The following GRHL2 variants were observed in gnomAD, a reference collection of about 807,000 sequenced individuals.
GRHL2 encodes grainyhead like transcription factor 2, also known as grainyhead-like protein 2 homolog.
GRHL2 carries 21 observed loss-of-function variants against 83.8 expected under a neutral mutation model. The observed-to-expected ratio is 0.25, with a 90% CI of 0.18 to 0.36. The LOEUF (loss-of-function observed/expected upper bound fraction) is 0.36. Ranked by LOEUF, GRHL2 falls within the 10% of genes least tolerant of loss-of-function variation. The pLI is 1.00. For missense variants in GRHL2, 623 were observed against 781.8 expected (o/e 0.80, Z 2.42); for synonymous variants, 280 against 278.9 (o/e 1.00, Z -0.04).
At chr8:101,541,400 T>C (rs1811151741) in intron 1 of GRHL2, among the ~76,000 whole-genome samples, 1 of 152,026 alleles carries the variant, frequency 6.6e-6, no homozygotes. Flanking sequence ...ATCTCCATAC[T>C]GTTTTCCATA....
At chr8:101,659,276 T>C (rs75786126) in intron 14 of GRHL2, among the ~76,000 whole-genome samples, 3,380 of 152,314 alleles carry the variant, frequency 0.022, 130 homozygotes, top group African/African-American at 0.076. Flanking sequence ...GACACAGGTA[T>C]TGCTAATGTT....
intron 1 of GRHL2, among the ~76,000 whole-genome samples, chr8:101,505,374 T>C (rs1177362066): frequency 6.6e-6 from 1 of 151,994 alleles, no homozygotes; most frequent in Non-Finnish European, 1.5e-5. Flanking sequence ...GGTCGGGAGT[T>C]TGAGACCAGC....
rs143038022 is a variant in GRHL2, at chr8:101,630,741, C to T, written c.1258-896C>T. Among the ~76,000 whole-genome samples the T allele has an allele frequency of 4.2e-3, 640 of 152,198 alleles. 5 individuals are homozygous for T. The highest frequency in any genetic ancestry group is 0.014 in the African/African-American group (596 of 41,530). ...GCCTAGTGCCTTGTGAAAACAAAGA[C>T]ACAGGTTAATTCTTCCACAGCAAGA... On this transcript the variant is annotated intron_variant, in intron 9 of 15. Coordinates refer to ENST00000646743, the MANE Select transcript of GRHL2 (RefSeq NM_024915.4).
chr8:101,558,396 T>C (rs1422274766), intron 3 of GRHL2, 23 bp from the exon 4 acceptor site: 4 of 1,613,826 alleles, frequency 2.5e-6, no homozygotes, highest in Non-Finnish European at 3.4e-6. Context: ...TTCTATCATG[T>C]TGCGGGGGGT....
intron 1 of GRHL2, among the ~76,000 whole-genome samples, chr8:101,540,283 G>A (rs187160029): frequency 4.6e-5 from 7 of 152,274 alleles, no homozygotes; most frequent in Non-Finnish European, 1.0e-4. Flanking sequence ...ATTTAAGAAA[G>A]TGAACGTTAG....
At chr8:101,662,344 T>C (rs892583179) in intron 14 of GRHL2, among the ~76,000 whole-genome samples, 1 of 152,222 alleles carries the variant, frequency 6.6e-6, no homozygotes, top group Non-Finnish European at 1.5e-5. Context: ...CCAGTCTCCT[T>C]CTGCTCGCCC....
Position 101,644,152 on chromosome 8 carries a change from G to A in GRHL2, c.1539G>A (p.Arg513=). Reference sequence around the variant, plus strand: ...CTAGTGGCAGTGTCCTTGTTAAACGGATGTTCCGGCCCATGGAAGAGGAGT... The same window carrying A: ...CTAGTGGCAGTGTCCTTGTTAAACGAATGTTCCGGCCCATGGAAGAGGAGT... ...EREGGSVLVK[R]MFRPMEEEFG... The change falls in exon 13 of 16, where the codon CGG becomes CGA. Residue 513 remains arginine (R), a synonymous_variant. Transcript: ENST00000646743. The A allele has an allele frequency of 6.2e-7, 1 of 1,614,214 alleles. No individual in the cohort carries two copies. Among genetic ancestry groups the A allele is most frequent in the Non-Finnish European group, 8.5e-7 (1 of 1,180,016 alleles).
At chr8:101,558,953 G>A (rs1233934067) in intron 4 of GRHL2, 141 bp downstream of exon 4, 5 of 892,912 alleles carry the variant, frequency 5.6e-6, no homozygotes, top group East Asian at 2.6e-5. Flanking sequence ...TGTGTTTGTT[G>A]GTAGTCTGGC....
intron 11 of GRHL2, 117 bp downstream of exon 11, chr8:101,632,482 A>AG: frequency 8.1e-7 from 1 of 1,228,930 alleles, no homozygotes; most frequent in Non-Finnish European, 1.2e-6. Context: ...CATTCACTAG[A>AG]GAAAAAGTCA....
intron 6 of GRHL2, among the ~76,000 whole-genome samples, chr8:101,574,689 C>G (rs1811898506): frequency 6.6e-6 from 1 of 152,224 alleles, no homozygotes. Flanking sequence ...CAAGGCTGAG[C>G]TCACTGCAGT....
chr8:101,544,322 A>T (rs1303984789), intron 2 of GRHL2, among the ~76,000 whole-genome samples: 1 of 152,144 alleles, frequency 6.6e-6, no homozygotes, highest in Non-Finnish European at 1.5e-5. Context: ...TTTTGTTACA[A>T]CCCTAACTTT....
intron 1 of GRHL2, among the ~76,000 whole-genome samples, chr8:101,499,946 C>T (rs1209287830): frequency 6.6e-6 from 1 of 151,902 alleles, no homozygotes; most frequent in Non-Finnish European, 1.5e-5. Flanking sequence ...CATGGTGGCA[C>T]GTGCCTGTAC....
At chr8:101,573,899 T>C in intron 6 of GRHL2, 75 bp downstream of exon 6, 1 of 1,519,742 alleles carries the variant, frequency 6.6e-7, no homozygotes, top group East Asian at 2.3e-5. Context: ...CCTTGTGGAA[T>C]GGCATGGAAA....
intron 2 of GRHL2, among the ~76,000 whole-genome samples, chr8:101,550,534 T>A (rs945302010): frequency 2.0e-5 from 3 of 152,222 alleles, no homozygotes; most frequent in African/African-American, 7.2e-5. Flanking sequence ...TTTCATTCTA[T>A]TTTTACGTCT....
intron 1 of GRHL2, among the ~76,000 whole-genome samples, chr8:101,502,794 A>G (rs1810257178): frequency 6.8e-6 from 1 of 147,766 alleles, no homozygotes; most frequent in Non-Finnish European, 1.5e-5. Context: ...CCTTTTCCTC[A>G]TCCTCTTTCT....
At chr8:101,562,023 A>C (rs188977667) in intron 4 of GRHL2, 2 of 799,554 alleles carry the variant, frequency 2.5e-6, no homozygotes, top group Non-Finnish European at 4.3e-6. Flanking sequence ...CCATGTCCAC[A>C]TCCTCTTGTA....
chr8:101,539,686 C>T (rs1563570539), intron 1 of GRHL2, among the ~76,000 whole-genome samples: 1 of 152,160 alleles, frequency 6.6e-6, no homozygotes, highest in East Asian at 1.9e-4. Context: ...TACAAATATG[C>T]TCCTTTTGTA....
intron 14 of GRHL2, among the ~76,000 whole-genome samples, chr8:101,660,313 A>G (rs1403687011): frequency 6.6e-6 from 1 of 152,196 alleles, no homozygotes; most frequent in Non-Finnish European, 1.5e-5. Flanking sequence ...TATCATATCC[A>G]TTCTTAACCT....
At chr8:101,530,208 G>C (rs1309596361) in intron 1 of GRHL2, among the ~76,000 whole-genome samples, 4 of 152,102 alleles carry the variant, frequency 2.6e-5, no homozygotes, top group Admixed American at 6.6e-5. Context: ...TCTCAACTCT[G>C]GCTTTTCCTT....
Sources: allele counts gnomAD v4.1 joint callset (sites outside exome capture counted in the v4.1 genomes callset), GRCh38; gene constraint gnomAD v4.1.1; transcripts MANE v1.5; gene names NCBI Gene and HGNC (gene_info 2026-07-23, HGNC 2026-07-21).